Variants in PDZD2 observed in about 807,000 individuals in gnomAD.
PDZD2 encodes the protein PDZ domain-containing protein 2.
PDZD2 carries 90 observed loss-of-function variants against 220.7 expected under a neutral mutation model. That is an observed-to-expected ratio of 0.41 (90% confidence interval 0.34 to 0.49). The LOEUF (loss-of-function observed/expected upper bound fraction) is 0.49, where lower values mean the gene tolerates loss of function less well. PDZD2 is among the 20% of genes least tolerant of loss of function. The pLI is 0.28. For missense variants in PDZD2, 3,174 were observed against 3,608.5 expected, an observed-to-expected ratio of 0.88 and a Z score of 3.08; for synonymous variants, 1,375 against 1,450.5, an observed-to-expected ratio of 0.95 and a Z score of 1.18.
intron 1 of PDZD2, among the ~76,000 whole-genome samples, chr5:31,768,512 C>T (rs1057473606): frequency 2.0e-5 from 3 of 151,964 alleles, no homozygotes; most frequent in African/African-American, 4.8e-5. Flanking sequence ...CATGGTGGCA[C>T]GTACCTGTAG....
In PDZD2 at chr5:32,097,319, A is replaced by G. The variant is rs191181806; in HGVS notation, c.7886A>G (p.Glu2629Gly). The change falls in exon 22 of 25, where the codon GAA becomes GGA. Residue 2629 changes from glutamate (E) to glycine (G), a missense_variant. Transcript: ENST00000438447. ...TGCTTCATAGTCTTGAATAGAAAAG[A>G]AGGCTCAGGTCTGGGATTCAGTGTG... ...DVCFIVLNRKEGSGLGFSVAG... is the reference protein window; with the variant it reads ...DVCFIVLNRKGGSGLGFSVAG... 2.5e-6 allele frequency: 4 copies of G among 1,613,468 alleles called. No individual in the cohort carries two copies. The East Asian group carries it at 8.9e-5, about 36-fold the overall frequency.
intron 1 of PDZD2, among the ~76,000 whole-genome samples, chr5:31,798,527 T>C (rs1477759533): frequency 2.0e-5 from 3 of 152,190 alleles, no homozygotes. Flanking sequence ...TGTAAGATTT[T>C]AAATATATGC....
At chr5:31,956,752 C>A (rs1165875634) in intron 2 of PDZD2, among the ~76,000 whole-genome samples, 27 of 54,364 alleles carry the variant, frequency 5.0e-4, no homozygotes, top group Admixed American at 9.2e-4. Context: ...GAGCAAGACT[C>A]CATCTCAAAA....
intron 4 of PDZD2, among the ~76,000 whole-genome samples, chr5:31,998,229 C>T (rs2111981435): frequency 6.6e-6 from 1 of 152,330 alleles, no homozygotes; most frequent in South Asian, 2.1e-4. Flanking sequence ...CCCACCCACA[C>T]AGCTCCTGAG....
intron 4 of PDZD2, among the ~76,000 whole-genome samples, chr5:31,996,703 G>A (rs1335452255): frequency 6.6e-6 from 1 of 152,078 alleles, no homozygotes; most frequent in Non-Finnish European, 1.5e-5. Context: ...GTGAGACTTC[G>A]TCTCGATTAA....
rs752292947 is a variant in PDZD2 at position 32,110,521 on chromosome 5, A to C, written c.*2386A>C. 3.9e-5 allele frequency: 6 copies of C among 152,674 alleles called. No homozygotes were observed. The highest frequency in any genetic ancestry group is 8.8e-5 in the Non-Finnish European group (6 of 68,054). The allele number at this position is 152,674 out of a possible 1,614,324, so 9.5% of individuals were successfully genotyped here. Reference sequence around the variant, plus strand: ...CCTAATAAATTCCCACACTTTCTGAAGTGAACACTAATGGTATTGTCCTAC... The same window carrying C: ...CCTAATAAATTCCCACACTTTCTGACGTGAACACTAATGGTATTGTCCTAC... On this transcript the variant is annotated 3_prime_UTR_variant, in exon 25 of 25. Coordinates refer to ENST00000438447, the MANE Select transcript of PDZD2 (RefSeq NM_178140.4).
Position 31,859,097 on chromosome 5 carries a change from C to T in PDZD2, c.476+59373C>T, listed in dbSNP as rs555976818. ...TGGCCCCACCCAGAAGTGGACTCAG[C>T]ATGAGGACCATTTTCCACACCCCTA... On this transcript the variant is annotated intron_variant, in intron 2 of 24. Transcript: ENST00000438447. Among the ~76,000 whole-genome samples, 3 of 152,164 alleles carry T rather than the reference C, an allele frequency of 2.0e-5. No individual in the cohort carries two copies. In the South Asian group the frequency reaches 6.3e-4, roughly 32 times the overall value.
intron 1 of PDZD2, among the ~76,000 whole-genome samples, chr5:31,708,881 GT>G (rs33947537): frequency 3.1e-3 from 192 of 61,736 alleles, no homozygotes; most frequent in African/African-American, 0.011. Flanking sequence ...AATGTGTTTT[GT>G]TTTTTTTTTT....
chr5:32,033,760 C>T (rs1173198889), intron 6 of PDZD2, among the ~76,000 whole-genome samples: 5 of 152,070 alleles, frequency 3.3e-5, no homozygotes, highest in African/African-American at 7.2e-5. Context: ...GCTTGGACTA[C>T]AGGCACTCAC....
At chr5:31,935,013 G>A (rs141808306) in intron 2 of PDZD2, among the ~76,000 whole-genome samples, 1,672 of 151,638 alleles carry the variant, frequency 0.011, 30 homozygotes, top group African/African-American at 0.038. Flanking sequence ...TCTTGAACCC[G>A]GAAGATGGAG....
At chr5:31,905,227 G>A (rs913348952) in intron 2 of PDZD2, among the ~76,000 whole-genome samples, 33 of 151,804 alleles carry the variant, frequency 2.2e-4, no homozygotes, top group African/African-American at 6.8e-4. Flanking sequence ...GTGATCCACC[G>A]CCCTCCTCAG....
intron 21 of PDZD2, among the ~76,000 whole-genome samples, chr5:32,093,554 A>G (rs1743377693): frequency 6.6e-6 from 1 of 152,190 alleles, no homozygotes; most frequent in African/African-American, 2.4e-5. Flanking sequence ...TTAACTACTA[A>G]CAACCTACTG....
chr5:32,061,030 T>A lies in PDZD2; in HGVS notation c.2347T>A (p.Ser783Thr). ...CGGGGATCAAATCCTGGAAGTGAAC[T>A]CCGTCAACGTCCGCCATGCTGCTTT... is the stretch of plus-strand genomic sequence containing the variant. The part of the protein sequence containing the change: ...SRGDQILEVN[S>T]VNVRHAALSK... Residue 783 changes from serine to threonine, a missense_variant, in exon 14 of 25, where the codon TCC becomes ACC. Ser to Thr is a moderately conservative substitution (Grantham distance 58, BLOSUM62 1). Around this residue, in one of 4 missense-constraint regions of PDZD2, gnomAD observed 1,861 missense variants for 2,001.0 expected, o/e 0.93. Transcript: ENST00000438447. 2 of 1,614,138 alleles carry A rather than the reference T, an allele frequency of 1.2e-6. No homozygotes were observed. Among genetic ancestry groups the A allele is most frequent in the Non-Finnish European group, 1.7e-6 (2 of 1,179,982 alleles).
intron 8 of PDZD2, among the ~76,000 whole-genome samples, chr5:32,051,044 A>G (rs1033583732): frequency 6.6e-6 from 1 of 152,164 alleles, no homozygotes; most frequent in Non-Finnish European, 1.5e-5. Context: ...GTTAGACAGC[A>G]CGGGTCTAGA....
At chr5:31,925,815 T>C (rs6450878) in intron 2 of PDZD2, among the ~76,000 whole-genome samples, 62,091 of 150,692 alleles carry the variant, frequency 0.41, 12,987 homozygotes, top group East Asian at 0.66. Flanking sequence ...GGAAAAGACA[T>C]TTCTCAGGGA....
intron 3 of PDZD2, 121 bp from the exon 4 acceptor site, chr5:31,995,455 T>A (rs1751550665): frequency 4.9e-6 from 5 of 1,016,924 alleles, no homozygotes; most frequent in Non-Finnish European, 7.6e-6. Context: ...TCTCCTGTGA[T>A]AATCTGTGAT....
intron 2 of PDZD2, among the ~76,000 whole-genome samples, chr5:31,863,499 G>A (rs1008070703): frequency 1.2e-4 from 18 of 152,142 alleles, no homozygotes; most frequent in Non-Finnish European, 2.5e-4. Flanking sequence ...CTGTCTCTTC[G>A]ATTTGTTAGG....
intron 2 of PDZD2, among the ~76,000 whole-genome samples, chr5:31,855,372 G>C (rs950404366): frequency 6.6e-5 from 10 of 152,258 alleles, no homozygotes; most frequent in Non-Finnish European, 1.3e-4. Flanking sequence ...GTTGAGAGAC[G>C]GTTTGTGTTC....
intron 2 of PDZD2, among the ~76,000 whole-genome samples, chr5:31,906,834 C>T (rs1401424290): frequency 1.3e-5 from 2 of 150,966 alleles, no homozygotes; most frequent in Non-Finnish European, 2.9e-5. Flanking sequence ...CAGAGCAAGA[C>T]TCTGTCTCAA....
Sources: gnomAD v4.1 joint callset for allele counts (sites outside exome capture counted in the v4.1 genomes callset) on GRCh38, gnomAD v4.1.1 for gene constraint, gnomAD v4.1.1 regional missense constraint, MANE v1.5 for transcripts, NCBI Gene and HGNC (gene_info 2026-07-23, HGNC 2026-07-21) for gene names.